Variants in ACOT7 observed in about 807,000 individuals in gnomAD.
The protein encoded by ACOT7 is acyl-CoA thioesterase 7.
In ACOT7, 12 loss-of-function variants were observed where a neutral mutation model predicts 40.2. The observed-to-expected ratio is 0.30, with a 90% CI of 0.19 to 0.48. ACOT7 has a LOEUF of 0.48. Among genes scored for constraint, ACOT7 ranks in the 20% least tolerant of loss-of-function variants. ACOT7 has a pLI of 0.99. For missense variants in ACOT7, 395 were observed against 530.8 expected, an observed-to-expected ratio of 0.74 and a Z score of 2.51; for synonymous variants, 228 against 219.5, an observed-to-expected ratio of 1.04 and a Z score of -0.34.
chr1:6,385,421 C>A, intron 1 of ACOT7: 11 of 1,530,670 alleles, frequency 7.2e-6, no homozygotes, highest in Non-Finnish European at 9.8e-6. Context: ...AGTTATGCGG[C>A]CCAAGGCCCT....
intron 6 of ACOT7, among the ~76,000 whole-genome samples, chr1:6,310,304 GC>G (rs1412731905): frequency 6.6e-6 from 1 of 152,214 alleles, no homozygotes; most frequent in Non-Finnish European, 1.5e-5. Flanking sequence ...AGAGGAGGAG[GC>G]AGAGCCTCCA....
intron 6 of ACOT7, among the ~76,000 whole-genome samples, chr1:6,307,954 G>C (rs894089970): frequency 1.1e-4 from 17 of 151,464 alleles, no homozygotes; most frequent in African/African-American, 4.1e-4. Flanking sequence ...CAGGCAGAAG[G>C]AACAGCAACA....
intron 6 of ACOT7, among the ~76,000 whole-genome samples, chr1:6,314,061 G>A (rs1640416208): frequency 6.6e-6 from 1 of 152,176 alleles, no homozygotes; most frequent in African/African-American, 2.4e-5. Flanking sequence ...GACTGAAGGC[G>A]GACCCCTCTA....
chr1:6,313,724 C>T (rs1004390971), intron 6 of ACOT7, among the ~76,000 whole-genome samples: 25 of 152,052 alleles, frequency 1.6e-4, no homozygotes, highest in African/African-American at 5.6e-4. Context: ...CCCAGGCTGG[C>T]GGAGCCACAG....
At chr1:6,305,746 G>A (rs1479914738) in intron 6 of ACOT7, among the ~76,000 whole-genome samples, 4 of 149,662 alleles carry the variant, frequency 2.7e-5, no homozygotes, top group Admixed American at 1.3e-4. Flanking sequence ...CCCAGACGAC[G>A]GGCGGCCAGG....
intron 1 of ACOT7, among the ~76,000 whole-genome samples, chr1:6,367,835 C>T (rs540901331): frequency 4.7e-4 from 71 of 152,212 alleles, no homozygotes; most frequent in Non-Finnish European, 8.2e-4. Context: ...CACCATTTGG[C>T]AGGTCCCGAG....
At chr1:6,344,763 CAAAAAAAAAAAAAAAAAAA>C (rs58594477) in intron 2 of ACOT7, among the ~76,000 whole-genome samples, 1 of 56,028 alleles carries the variant, frequency 1.8e-5, no homozygotes, top group East Asian at 9.1e-4. Context: ...GACTCTGTCT[CAAAAAAAAAAAAAAAAAAA>C]AAAAAAAAGA....
intron 1 of ACOT7, among the ~76,000 whole-genome samples, chr1:6,360,889 CA>C (rs1419326554): frequency 6.6e-6 from 1 of 152,214 alleles, no homozygotes; most frequent in Admixed American, 6.5e-5. Context: ...ATTCAAGCCA[CA>C]ACCAGATGGT....
rs1194735853 is a variant in ACOT7, at chr1:6,352,791, G to A, written c.144-2925C>T. 3.9e-5 allele frequency among the ~76,000 whole-genome samples: 6 copies of A among 151,998 alleles called. No individual in the cohort carries two copies. The highest frequency in any genetic ancestry group is 3.3e-4 in the Admixed American group (5 of 15,240). ...GTAGAGAAGGGGTTTCACCGTATTA[G>A]CCAGGATGGTCTTGATCTCCTGACC... is the stretch of plus-strand genomic sequence containing the variant. On this transcript the variant is annotated intron_variant, in intron 1 of 8. Transcript: ENST00000361521. This position sits in a 1 kb window ranked among gnomAD's most constrained non-coding sequence, Gnocchi z 4.5.
chr1:6,286,914 G>A (rs1299503763), intron 7 of ACOT7, among the ~76,000 whole-genome samples: 4 of 152,172 alleles, frequency 2.6e-5, no homozygotes. Context: ...AGGCTTGCAG[G>A]GGGTAAAAGG....
rs1641014018 is a variant in ACOT7, at chr1:6,333,411, A to G, written c.510+66T>C. ...GACCCTTAGCTGAACGAGCCTCCCA[A>G]CATCAGGTGAGGTGACCTGATCTCT... On this transcript the variant is annotated intron_variant, in intron 4 of 8. Coordinates refer to ENST00000361521, the MANE Select transcript of ACOT7 (RefSeq NM_007274.4). 7 of 1,572,336 alleles carry G rather than the reference A, an allele frequency of 4.5e-6. No homozygotes were observed. In the African/African-American group the frequency reaches 5.4e-5, roughly 12 times the overall value.
Position 6,311,239 on chromosome 1 carries a change from G to A in ACOT7, c.712+7253C>T. On this transcript the variant is annotated intron_variant, in intron 6 of 8. Transcript: ENST00000361521. The surrounding 1 kb of genome is among the most constrained non-coding windows in gnomAD (Gnocchi z 5.2). ...GTTAGTTTTTACTCAGAGCCGATGT[G>A]ATCAGTAAACGTTGAGGTTCTTTTC... 6.6e-6 allele frequency among the ~76,000 whole-genome samples: 1 copy of A among 152,200 alleles called. No individual in the cohort carries two copies. The highest frequency in any genetic ancestry group is 1.9e-4 in the East Asian group (1 of 5,196).
In ACOT7 at chr1:6,390,948, A is replaced by C. The variant is rs188266634; in HGVS notation, c.143+2309T>G. ...GAGACTGTCTCAAAAACAAACAAACAAACAAACAAAAAGCACACACTTACT... is the reference window on the plus strand; with the variant it reads ...GAGACTGTCTCAAAAACAAACAAACCAACAAACAAAAAGCACACACTTACT... On this transcript the variant is annotated intron_variant, in intron 1 of 8. Transcript: ENST00000361521. 2.3e-3 allele frequency among the ~76,000 whole-genome samples: 355 copies of C among 151,992 alleles called. 1 individual carries two copies. The highest frequency in any genetic ancestry group is 9.4e-3 in the Admixed American group (143 of 15,244).
chr1:6,270,291 T>A (rs1378894230), intron 8 of ACOT7, among the ~76,000 whole-genome samples: 1 of 152,188 alleles, frequency 6.6e-6, no homozygotes, highest in African/African-American at 2.4e-5. Context: ...CTGTTGCTGT[T>A]TTTAATGGAG....
chr1:6,365,431 T>C (rs1011751427), intron 1 of ACOT7, among the ~76,000 whole-genome samples: 2 of 152,132 alleles, frequency 1.3e-5, no homozygotes, highest in South Asian at 2.1e-4. Context: ...ATTAAGTGTA[T>C]AATAGCATTA....
At chr1:6,377,617 C>A (rs572767425) in intron 1 of ACOT7, among the ~76,000 whole-genome samples, 1 of 152,298 alleles carries the variant, frequency 6.6e-6, no homozygotes, top group South Asian at 2.1e-4. Context: ...TTAAAGGAAG[C>A]ACAGAGTATC....
At chr1:6,304,317 CA>C (rs112875652) in intron 6 of ACOT7, among the ~76,000 whole-genome samples, 38,016 of 110,720 alleles carry the variant, frequency 0.34, 7,798 homozygotes, top group African/African-American at 0.65. Flanking sequence ...AATGTGGCAC[CA>C]AAAAAAAAAA....
chr1:6,362,893 T>C (rs1257542222), intron 1 of ACOT7, among the ~76,000 whole-genome samples: 1 of 151,416 alleles, frequency 6.6e-6, no homozygotes, highest in Non-Finnish European at 1.5e-5. Context: ...CTACCAAAAA[T>C]CCAAAAAAAT....
chr1:6,368,172 T>C (rs1180267584), intron 1 of ACOT7, among the ~76,000 whole-genome samples: 1 of 152,116 alleles, frequency 6.6e-6, no homozygotes, highest in Non-Finnish European at 1.5e-5. Flanking sequence ...CTCCCCAGTT[T>C]GAAGGTGAGG....
Sources: allele counts gnomAD v4.1 joint callset (sites outside exome capture counted in the v4.1 genomes callset), GRCh38; gene constraint gnomAD v4.1.1; non-coding constraint Gnocchi (gnomAD v3.1); transcripts MANE v1.5; gene names NCBI Gene and HGNC (gene_info 2026-07-23, HGNC 2026-07-21).